CIP2A: variants seen among roughly 807,000 people sequenced by gnomAD.
CIP2A encodes cellular inhibitor of PP2A.
A neutral mutation model predicts 110.9 loss-of-function variants in CIP2A; 103 were observed. The ratio of observed to expected loss-of-function variants is 0.93; its 90% CI spans 0.79 to 1.09. The LOEUF is 1.09. Among genes scored for constraint, CIP2A ranks in the 50% least tolerant of loss-of-function variants. CIP2A has a pLI of 0.00. For synonymous variants in CIP2A, 381 were observed against 361.6 expected, an observed-to-expected ratio of 1.05 and a Z score of -0.61; for missense variants, 1,088 against 1,038.4, an observed-to-expected ratio of 1.05 and a Z score of -0.66.
chr3:108,575,535 T>C (rs948716783), intron 8 of CIP2A, among the ~76,000 whole-genome samples: 13 of 148,422 alleles, frequency 8.8e-5, no homozygotes, highest in Admixed American at 1.3e-4. Flanking sequence ...TACACGTATA[T>C]ATACTCATAT....
chr3:108,581,625 TA>T (rs1938883072), intron 4 of CIP2A, 114 bp from the exon 5 acceptor site: 1 of 622,648 alleles, frequency 1.6e-6, no homozygotes, highest in Admixed American at 3.0e-5. Flanking sequence ...AATTCCCTTT[TA>T]CACGCAAAAA....
Position 108,551,167 on chromosome 3 carries a change from A to G in CIP2A, c.2700T>C (p.Thr900=), listed in dbSNP as rs2083892138. ...SLSGGKINPE[T]VNLSI Reference sequence around the variant, plus strand: ...ATAATGTCTATATACTGAGATTCACAGTTTCTGGATTTATTTTTCCACCAC... The same window carrying G: ...ATAATGTCTATATACTGAGATTCACGGTTTCTGGATTTATTTTTCCACCAC... Residue 900 remains threonine (T), a synonymous_variant, in exon 21 of 21, where the codon ACT becomes ACC. Transcript: ENST00000295746. 6.2e-7 allele frequency: 1 copy of G among 1,602,094 alleles called. No individual in the cohort carries two copies. Among genetic ancestry groups the G allele is most frequent in the Non-Finnish European group, 8.5e-7 (1 of 1,173,666 alleles).
chr3:108,551,427 C>T, intron 20 of CIP2A, 108 bp from the exon 21 acceptor site: 1 of 723,742 alleles, frequency 1.4e-6, no homozygotes, highest in African/African-American at 1.8e-5. Flanking sequence ...TGTACAACAA[C>T]CATTTCAAGA....
chr3:108,573,445 TTTTA>T (rs747282546), intron 8 of CIP2A, among the ~76,000 whole-genome samples: 15 of 152,072 alleles, frequency 9.9e-5, no homozygotes, highest in South Asian at 6.2e-4. Context: ...AGTTTTAAAT[TTTTA>T]TTTATTTTTA....
chr3:108,579,419 T>A lies in CIP2A; in HGVS notation c.680A>T (p.His227Leu). The change falls in exon 7 of 21, where the codon CAT becomes CTT. Residue 227 changes from histidine (H) to leucine (L), a missense_variant. Transcript: ENST00000295746. ...LNEEVGEKLFHARNIHQTFQL... is the reference protein window; with the variant it reads ...LNEEVGEKLFLARNIHQTFQL... ...AAAAGTCTGATGAATGTTTCGAGCA[T>A]GGAATAGCTTAAGGACAAATTAGAA... 1 of 1,607,408 alleles carries A rather than the reference T, an allele frequency of 6.2e-7. No individual in the cohort carries two copies. The highest frequency in any genetic ancestry group is 8.5e-7 in the Non-Finnish European group (1 of 1,175,606).
chr3:108,584,168 G>T (rs1938971333), intron 2 of CIP2A, among the ~76,000 whole-genome samples: 1 of 152,086 alleles, frequency 6.6e-6, no homozygotes, highest in South Asian at 2.1e-4. Flanking sequence ...GATTCCAATA[G>T]CAAAAACTTA....
Position 108,582,124 on chromosome 3 carries a change from A to G in CIP2A, c.436T>C (p.Phe146Leu). 1 of 1,461,870 alleles carries G rather than the reference A, an allele frequency of 6.8e-7. No homozygotes were observed. The highest frequency in any genetic ancestry group is 9.4e-7 in the Non-Finnish European group (1 of 1,059,900). The allele number at this position is 1,461,870 out of a possible 1,614,324, so 90.6% of individuals were successfully genotyped here. A position where few individuals can be genotyped will look rare whatever the true frequency, so the allele number is the denominator to read the frequency against. ...SGANIDELITFLIDHIQSSED... is the reference protein window; with the variant it reads ...SGANIDELITLLIDHIQSSED... ...CATACTCACATGTGATCTATCAGGA[A>G]CGTAATTAATTCATCTATATTGGCA... Residue 146 changes from phenylalanine (F) to leucine (L), a missense_variant, in exon 4 of 21, where the codon TTC becomes CTC. Transcript: ENST00000295746.
intron 13 of CIP2A, 53 bp from the exon 14 acceptor site, chr3:108,560,894 G>T: frequency 7.8e-7 from 1 of 1,284,740 alleles, no homozygotes. Context: ...TAGAAGAAAA[G>T]GCAGACTTAG....
chr3:108,586,414 T>C (rs999524878), intron 1 of CIP2A, among the ~76,000 whole-genome samples: 2 of 152,186 alleles, frequency 1.3e-5, no homozygotes, highest in African/African-American at 4.8e-5. Flanking sequence ...TTAAAAATGA[T>C]TCTCTATAGG....
intron 10 of CIP2A, 23 bp from the exon 11 acceptor site, chr3:108,566,661 A>G: frequency 6.7e-7 from 1 of 1,501,064 alleles, no homozygotes. Context: ...TAAGATATAC[A>G]ACAAAAAAAT....
At chr3:108,584,290 C>T (rs1158493373) in intron 2 of CIP2A, among the ~76,000 whole-genome samples, 1 of 152,154 alleles carries the variant, frequency 6.6e-6, no homozygotes, top group African/African-American at 2.4e-5. Flanking sequence ...ACATCTGGTG[C>T]TCCACAACAC....
At chr3:108,554,248 A>G (rs928396191) in intron 18 of CIP2A, 128 bp downstream of exon 18, 9 of 539,188 alleles carry the variant, frequency 1.7e-5, no homozygotes, top group Admixed American at 3.6e-5. Context: ...CACCAAATAC[A>G]TATCTTATAT....
In CIP2A at chr3:108,550,072, C is replaced by T. The variant is rs148466084; in HGVS notation, c.*1077G>A. 1.4e-4 allele frequency: 22 copies of T among 151,878 alleles called. No homozygotes were observed. The East Asian group carries it at 4.1e-3, about 28-fold the overall frequency. 9.4% of individuals were successfully genotyped at this position (151,878 alleles called of 1,614,324 possible). A position where few individuals can be genotyped will look rare whatever the true frequency, so the allele number is the denominator to read the frequency against. ...TCTAAATTCACTTAAATCAAACAGA[C>T]ATATGGTGAAGAAAACACCAAGTAA... On this transcript the variant is annotated 3_prime_UTR_variant, in exon 21 of 21. Transcript: ENST00000295746.
intron 10 of CIP2A, among the ~76,000 whole-genome samples, chr3:108,567,290 C>G (rs1938221563): frequency 6.6e-6 from 1 of 151,056 alleles, no homozygotes; most frequent in Non-Finnish European, 1.5e-5. Flanking sequence ...GGTAGGAAAT[C>G]AGGGTTGAAA....
rs761397717 is a variant in CIP2A, at chr3:108,566,642, A to G, written c.1274-4T>C. On this transcript the variant is annotated splice_polypyrimidine_tract_variant and splice_region_variant and intron_variant, in intron 10 of 20. Coordinates refer to ENST00000295746, the MANE Select transcript of CIP2A (RefSeq NM_020890.3). ...AGTGTATCATCTCCACAGAGAGGTT[A>G]AGTTTTGTTAAGATATACAACAAAA... The G allele has an allele frequency of 3.2e-6, 5 of 1,559,838 alleles. No individual in the cohort carries two copies. Among genetic ancestry groups the G allele is most frequent in the Non-Finnish European group, 4.3e-6 (5 of 1,154,196 alleles).
intron 3 of CIP2A, among the ~76,000 whole-genome samples, chr3:108,582,583 A>T (rs1408130246): frequency 6.6e-6 from 1 of 152,230 alleles, no homozygotes; most frequent in Non-Finnish European, 1.5e-5. Flanking sequence ...TGAAATATGA[A>T]GAGCTTTGAA....
intron 13 of CIP2A, among the ~76,000 whole-genome samples, chr3:108,562,246 A>G (rs1178167392): frequency 6.6e-6 from 1 of 152,138 alleles, no homozygotes; most frequent in East Asian, 1.9e-4. Context: ...CTTATAGGTC[A>G]AGATAGTAAG....
intron 10 of CIP2A, 118 bp downstream of exon 10, chr3:108,568,037 G>C (rs1938244140): frequency 1.4e-6 from 1 of 699,898 alleles, no homozygotes; most frequent in Non-Finnish European, 2.2e-6. Flanking sequence ...AGTAATTCTA[G>C]ATAAATATGA....
chr3:108,575,165 G>A (rs1221604797), intron 8 of CIP2A: 2 of 151,970 alleles, frequency 1.3e-5, no homozygotes, highest in Non-Finnish European at 2.9e-5. Flanking sequence ...TATGAAATAT[G>A]AGTGAATCTC....
Sources: gnomAD v4.1 joint callset for allele counts (sites outside exome capture counted in the v4.1 genomes callset) on GRCh38, gnomAD v4.1.1 for gene constraint, MANE v1.5 for transcripts, NCBI Gene and HGNC (gene_info 2026-07-23, HGNC 2026-07-21) for gene names.